The following RBFOX1 variants were observed in gnomAD, a reference collection of about 807,000 sequenced individuals.
The protein encoded by RBFOX1 is RNA binding protein fox-1 homolog 1.
In RBFOX1, 8 loss-of-function variants were observed where a neutral mutation model predicts 57.7. The observed-to-expected ratio is 0.14, with a 90% CI of 0.08 to 0.25. The LOEUF is 0.25. Among genes scored for constraint, RBFOX1 ranks in the 10% least tolerant of loss-of-function variants. RBFOX1 has a pLI of 1.00. For synonymous variants in RBFOX1, 326 were observed against 222.4 expected, an observed-to-expected ratio of 1.47 and a Z score of -4.15; for missense variants, 611 against 548.5, an observed-to-expected ratio of 1.11 and a Z score of -1.14.
chr16:7,074,059 C>T (rs114975117), intron 4 of RBFOX1, among the ~76,000 whole-genome samples: 1,549 of 152,226 alleles, frequency 0.01, 30 homozygotes, highest in African/African-American at 0.035. Flanking sequence ...GAAGGTTGGA[C>T]AGTTTCAACG....
rs1032945363 is a variant in RBFOX1 at position 5,861,719 on chromosome 16, T to C, written c.319-5584T>C. ...TTCATACACAGGGCATTTGTTGCTA[T>C]TGGAATTCACCTGATCACCAGAGGC... On this transcript the variant is annotated intron_variant, in intron 3 of 19. Transcript: ENST00000641259. Among the ~76,000 whole-genome samples the C allele has an allele frequency of 3.9e-5, 6 of 152,346 alleles. No homozygotes were observed. In the East Asian group the frequency reaches 9.7e-4, roughly 25 times the overall value.
intron 3 of RBFOX1, among the ~76,000 whole-genome samples, chr16:6,970,687 C>G (rs1331708044): frequency 6.6e-6 from 1 of 152,168 alleles, no homozygotes; most frequent in Non-Finnish European, 1.5e-5. Flanking sequence ...TTCTAAAAAT[C>G]CTAGCTCTTA....
intron 3 of RBFOX1, among the ~76,000 whole-genome samples, chr16:6,662,051 T>G (rs1179066032): frequency 6.6e-6 from 1 of 151,272 alleles, no homozygotes; most frequent in African/African-American, 2.4e-5. Context: ...AAATACTACA[T>G]GAGCTCACTT....
intron 1 of RBFOX1, chr16:5,270,377 G>C: frequency 1.6e-6 from 2 of 1,263,484 alleles, no homozygotes; most frequent in Admixed American, 1.7e-5. Flanking sequence ...TGTGTTTGAA[G>C]TGAGTCTTGC....
intron 4 of RBFOX1, among the ~76,000 whole-genome samples, chr16:7,212,372 C>T (rs2091305445): frequency 2.0e-5 from 3 of 152,104 alleles, no homozygotes; most frequent in Admixed American, 6.5e-5. Context: ...TTGACCCTAG[C>T]GCTTGATGAC....
chr16:6,603,585 G>C (rs2097883875), intron 2 of RBFOX1, among the ~76,000 whole-genome samples: 1 of 152,134 alleles, frequency 6.6e-6, no homozygotes, highest in African/African-American at 2.4e-5. Context: ...CTTGGGGTAG[G>C]CTCTGGGCAT....
chr16:6,322,546 C>G (rs139425287), intron 2 of RBFOX1, among the ~76,000 whole-genome samples: 1 of 152,116 alleles, frequency 6.6e-6, no homozygotes, highest in East Asian at 1.9e-4. Flanking sequence ...TTGATTGCCC[C>G]TTGTAGGATA....
intron 2 of RBFOX1, among the ~76,000 whole-genome samples, chr16:6,521,589 TC>T (rs767871962): frequency 1.3e-5 from 2 of 151,754 alleles, no homozygotes; most frequent in Non-Finnish European, 2.9e-5. Flanking sequence ...TAATCTTTTT[TC>T]CTTAAAACAC....
At chr16:6,584,020 CAA>C (rs1470633365) in intron 2 of RBFOX1, among the ~76,000 whole-genome samples, 1 of 149,924 alleles carries the variant, frequency 6.7e-6, no homozygotes, top group Non-Finnish European at 1.5e-5. Context: ...AAAAGAAACT[CAA>C]AATTGTAGGA....
At chr16:7,524,977 TAAAA>T (rs1299595425) in intron 5 of RBFOX1, among the ~76,000 whole-genome samples, 3 of 152,158 alleles carry the variant, frequency 2.0e-5, no homozygotes, top group African/African-American at 4.8e-5. Context: ...GAAAAGGATA[TAAAA>T]TGAAAACTAA....
chr16:5,340,183 C>A (rs1000678570), intron 1 of RBFOX1, among the ~76,000 whole-genome samples: 1 of 152,110 alleles, frequency 6.6e-6, no homozygotes, highest in Non-Finnish European at 1.5e-5. Context: ...TGACAAAAGA[C>A]AGTTGCTTAC....
chr16:6,672,292 C>A (rs1022367389), intron 3 of RBFOX1, among the ~76,000 whole-genome samples: 1 of 151,706 alleles, frequency 6.6e-6, no homozygotes, highest in Non-Finnish European at 1.5e-5. Flanking sequence ...TATAAATATA[C>A]ATCCAATATA....
chr16:7,180,241 G>A (rs1199124895), intron 4 of RBFOX1, among the ~76,000 whole-genome samples: 1 of 152,086 alleles, frequency 6.6e-6, no homozygotes, highest in Non-Finnish European at 1.5e-5. Flanking sequence ...ATTTTTAAAT[G>A]CGTTTTACAT....
chr16:7,123,602 C>A (rs1194503472), intron 4 of RBFOX1, among the ~76,000 whole-genome samples: 1 of 152,076 alleles, frequency 6.6e-6, no homozygotes, highest in South Asian at 2.1e-4. Context: ...TGGCCTCAAG[C>A]AATCCTCCTG....
chr16:7,641,831 C>T (rs1170601229), intron 11 of RBFOX1, among the ~76,000 whole-genome samples: 1 of 152,170 alleles, frequency 6.6e-6, no homozygotes, highest in African/African-American at 2.4e-5. Context: ...CCATGACTAC[C>T]TACCTACCCA....
intron 3 of RBFOX1, among the ~76,000 whole-genome samples, chr16:5,659,613 T>G (rs1312198013): frequency 6.6e-6 from 1 of 152,104 alleles, no homozygotes; most frequent in Non-Finnish European, 1.5e-5. Context: ...CCGGTATATC[T>G]TTTTTTGAAA....
chr16:6,302,157 C>G (rs2078895385), intron 1 of RBFOX1, among the ~76,000 whole-genome samples: 1 of 151,998 alleles, frequency 6.6e-6, no homozygotes, highest in South Asian at 2.1e-4. Flanking sequence ...GAAAGTATTG[C>G]CCAAAACACA....
chr16:5,779,783 A>C (rs1444436862), intron 3 of RBFOX1, among the ~76,000 whole-genome samples: 2 of 152,206 alleles, frequency 1.3e-5, no homozygotes, highest in Non-Finnish European at 2.9e-5. Context: ...GTTGCGGCAC[A>C]GGAGGCCACG....
rs1181491515 is a variant in RBFOX1 at position 7,504,709 on chromosome 16, TTATATA to T, written c.28-13398_28-13393del. Among the ~76,000 whole-genome samples the T allele has an allele frequency of 1.1e-3, 82 of 74,378 alleles. No individual in the cohort carries two copies. In the East Asian group the frequency reaches 0.011, roughly 10 times the overall value. 48.8% of individuals were successfully genotyped at this position (74,378 alleles called of 152,430 possible). A position where few individuals can be genotyped will look rare whatever the true frequency, so the allele number is the denominator to read the frequency against. On this transcript the variant is annotated intron_variant, in intron 4 of 15. Transcript: ENST00000550418. Reference sequence around the variant, plus strand: ...TAGCTCCTGTGGAGATGAAGTGAGATTATATATATATATATATATATATATATATAT... The same window carrying T: ...TAGCTCCTGTGGAGATGAAGTGAGATTATATATATATATATATATATATAT...
Sources: gnomAD v4.1 joint callset for allele counts (sites outside exome capture counted in the v4.1 genomes callset) on GRCh38, gnomAD v4.1.1 for gene constraint, MANE v1.5 for transcripts, NCBI Gene and HGNC (gene_info 2026-07-23, HGNC 2026-07-21) for gene names.